CTNNA2: variants seen among roughly 807,000 people sequenced by gnomAD.
CTNNA2 encodes the protein catenin alpha-2.
A neutral mutation model predicts 101.0 loss-of-function variants in CTNNA2; 42 were observed. That is an observed-to-expected ratio of 0.42 (90% CI 0.32 to 0.54). The LOEUF is 0.54. CTNNA2 is among the 20% of genes least tolerant of loss of function. The pLI, the probability that CTNNA2 is intolerant of heterozygous loss-of-function variation, is 0.14. For synonymous variants in CTNNA2, 450 were observed against 456.4 expected (o/e 0.99, Z 0.18); for missense variants, 871 against 1,223.1 (o/e 0.71, Z 4.29).
chr2:79,884,351 C>T (rs189677936), intron 6 of CTNNA2, among the ~76,000 whole-genome samples: 3 of 152,122 alleles, frequency 2.0e-5, no homozygotes, highest in South Asian at 2.1e-4. Context: ...GCCATATTTT[C>T]GTTATCTTTT....
At chr2:80,561,133 C>G (rs960491906) in intron 12 of CTNNA2, among the ~76,000 whole-genome samples, 3 of 152,032 alleles carry the variant, frequency 2.0e-5, no homozygotes, top group Non-Finnish European at 4.4e-5. Context: ...GCCTATCTCT[C>G]TGGCTGGAAT....
chr2:79,679,172 A>T (rs1343613042), intron 2 of CTNNA2, among the ~76,000 whole-genome samples: 1 of 152,232 alleles, frequency 6.6e-6, no homozygotes, highest in Non-Finnish European at 1.5e-5. Flanking sequence ...ATTTAGTTTT[A>T]ACAGTGGGTT....
chr2:79,906,018 G>A (rs1205047608), intron 6 of CTNNA2, among the ~76,000 whole-genome samples: 2 of 151,706 alleles, frequency 1.3e-5, no homozygotes, highest in African/African-American at 4.8e-5. Context: ...TCGCTTGTTG[G>A]AGCCTGTTGG....
At chr2:79,341,643 T>C (rs1411764487) in intron 3 of CTNNA2, among the ~76,000 whole-genome samples, 1 of 152,236 alleles carries the variant, frequency 6.6e-6, no homozygotes, top group East Asian at 1.9e-4. Flanking sequence ...GGAATAAATG[T>C]CATACATACT....
chr2:79,416,634 C>T (rs12475984), intron 4 of CTNNA2, among the ~76,000 whole-genome samples: 45,325 of 151,874 alleles, frequency 0.3, 6,915 homozygotes, highest in South Asian at 0.44. Context: ...AATATAAAAA[C>T]TCACTTACTT....
intron 4 of CTNNA2, among the ~76,000 whole-genome samples, chr2:79,482,897 C>T (rs1671123605): frequency 6.6e-6 from 1 of 152,174 alleles, no homozygotes; most frequent in African/African-American, 2.4e-5. Flanking sequence ...TGCTGGCATC[C>T]AGTGGCTAGT....
intron 4 of CTNNA2, among the ~76,000 whole-genome samples, chr2:79,492,694 A>G (rs1040379317): frequency 1.3e-5 from 2 of 152,164 alleles, no homozygotes; most frequent in African/African-American, 4.8e-5. Context: ...CTCTCCCAAA[A>G]ATTAAAGAAG....
At chr2:79,923,844 A>G (rs1484031305) in intron 7 of CTNNA2, among the ~76,000 whole-genome samples, 3 of 152,062 alleles carry the variant, frequency 2.0e-5, no homozygotes, top group Non-Finnish European at 4.4e-5. Flanking sequence ...ATTGTATAGT[A>G]TTTGTCATTT....
intron 18 of CTNNA2, among the ~76,000 whole-genome samples, chr2:80,625,383 G>A (rs898700658): frequency 6.6e-6 from 1 of 151,972 alleles, no homozygotes; most frequent in African/African-American, 2.4e-5. Flanking sequence ...TGCTCTGGAG[G>A]AAATACTATC....
chr2:80,058,743 C>A (rs149388412), intron 7 of CTNNA2, among the ~76,000 whole-genome samples: 2 of 152,008 alleles, frequency 1.3e-5, no homozygotes, highest in African/African-American at 4.8e-5. Context: ...TCTTTCATTG[C>A]GCAAATGCAA....
At chr2:79,304,534 C>T (rs1676188001) in intron 2 of CTNNA2, among the ~76,000 whole-genome samples, 1 of 152,168 alleles carries the variant, frequency 6.6e-6, no homozygotes, top group Non-Finnish European at 1.5e-5. Context: ...AATAGGATAT[C>T]CCAGGTGGCC....
rs1670987751 is a variant in CTNNA2 at position 79,470,625 on chromosome 2, A to G, written c.-134-34429A>G. 2.0e-5 allele frequency among the ~76,000 whole-genome samples: 3 copies of G among 152,208 alleles called. No homozygotes were observed. The South Asian group carries it at 6.2e-4, about 31-fold the overall frequency. On this transcript the variant is annotated intron_variant, in intron 4 of 21. Coordinates refer to the CTNNA2 transcript ENST00000466387. ...AAATACTGGAGAAGTTTTTTATAAA[A>G]TTGACATGCTGGATGTTTTGTCTTC...
intron 1 of CTNNA2, among the ~76,000 whole-genome samples, chr2:79,646,331 A>G (rs1186537988): frequency 6.6e-6 from 1 of 152,070 alleles, no homozygotes; most frequent in East Asian, 1.9e-4. Flanking sequence ...TTCACAGAGG[A>G]GCCCATTTTA....
At chr2:79,425,466 G>A (rs1004482960) in intron 4 of CTNNA2, among the ~76,000 whole-genome samples, 2 of 152,118 alleles carry the variant, frequency 1.3e-5, no homozygotes, top group African/African-American at 2.4e-5. Flanking sequence ...TTATAGTACT[G>A]TCAGGTTCAG....
At chr2:79,399,215 G>T (rs543607951) in intron 4 of CTNNA2, among the ~76,000 whole-genome samples, 1 of 152,108 alleles carries the variant, frequency 6.6e-6, no homozygotes, top group Non-Finnish European at 1.5e-5. Context: ...AGGATAAGAG[G>T]CTGATTTTTT....
At chr2:80,353,714 T>C (rs1673523796) in intron 7 of CTNNA2, among the ~76,000 whole-genome samples, 1 of 152,150 alleles carries the variant, frequency 6.6e-6, no homozygotes, top group African/African-American at 2.4e-5. Context: ...CTTCTACTTT[T>C]TGCACTGAGC....
At chr2:80,644,029 C>T (rs1410963538) in intron 18 of CTNNA2, among the ~76,000 whole-genome samples, 1 of 152,128 alleles carries the variant, frequency 6.6e-6, no homozygotes, top group Admixed American at 6.6e-5. Flanking sequence ...GAAAAGAGTT[C>T]ATTTTGGATA....
intron 3 of CTNNA2, among the ~76,000 whole-genome samples, chr2:79,815,964 T>A (rs765214691): frequency 6.3e-4 from 96 of 151,660 alleles, no homozygotes; most frequent in Non-Finnish European, 1.2e-3. Flanking sequence ...CTTGTAGAGG[T>A]CTTTCACCTC....
chr2:80,064,012 T>C (rs548388068), intron 7 of CTNNA2, among the ~76,000 whole-genome samples: 2 of 152,246 alleles, frequency 1.3e-5, no homozygotes, highest in East Asian at 3.9e-4. Context: ...GTTCAGATTA[T>C]TGAAAACAAA....
Sources: allele counts gnomAD v4.1 joint callset (sites outside exome capture counted in the v4.1 genomes callset), GRCh38; gene constraint gnomAD v4.1.1; transcripts MANE v1.5; gene names NCBI Gene and HGNC (gene_info 2026-07-23, HGNC 2026-07-21).